PCNX2: variants seen among roughly 807,000 people sequenced by gnomAD.
PCNX2 encodes pecanex 2.
In PCNX2, 168 loss-of-function variants were observed where a neutral mutation model predicts 223.8. The ratio of observed to expected loss-of-function variants is 0.75; its 90% CI spans 0.66 to 0.85. PCNX2 has a LOEUF of 0.85. PCNX2 is among the 40% of genes least tolerant of loss of function. The pLI is 0.00. For synonymous variants in PCNX2, 1,006 were observed against 1,052.6 expected, an observed-to-expected ratio of 0.96 and a Z score of 0.86; for missense variants, 2,507 against 2,675.5, an observed-to-expected ratio of 0.94 and a Z score of 1.39.
chr1:233,190,819 A>G (rs1022981537), intron 15 of PCNX2, among the ~76,000 whole-genome samples: 9 of 152,230 alleles, frequency 5.9e-5, no homozygotes, highest in Admixed American at 4.6e-4. Context: ...TAAACTGAAT[A>G]GAAAACAGAA....
chr1:233,238,533 T>C (rs191641232), intron 8 of PCNX2, among the ~76,000 whole-genome samples: 196 of 151,276 alleles, frequency 1.3e-3, no homozygotes, highest in Admixed American at 3.3e-3. Context: ...GCTACAAAAA[T>C]AGAAAAAAAA....
Position 233,126,168 on chromosome 1 carries a change from C to T in PCNX2, c.3837+8845G>A, listed in dbSNP as rs1463426847. The T allele has an allele frequency of 6.6e-6, 1 of 152,016 alleles. No individual in the cohort carries two copies. The highest frequency in any genetic ancestry group is 1.5e-5 in the Non-Finnish European group (1 of 68,038). 9.4% of individuals were successfully genotyped at this position (152,016 alleles called of 1,614,324 possible). ...GAGGTTGCAGTGAGCTGAGATCACG[C>T]CACTGCACTCCAGCCTGGGTGACAG... is the stretch of plus-strand genomic sequence containing the variant. On this transcript the variant is annotated intron_variant, in intron 21 of 33. Transcript: ENST00000258229. This position sits in a 1 kb window ranked among gnomAD's most constrained non-coding sequence, Gnocchi z 4.8.
At chr1:233,222,112 T>C (rs554372157) in intron 10 of PCNX2, among the ~76,000 whole-genome samples, 148 of 152,318 alleles carry the variant, frequency 9.7e-4, no homozygotes, top group African/African-American at 3.5e-3. Context: ...GAGTTGGCAC[T>C]GCAAACATCT....
chr1:233,245,998 T>C lies in PCNX2; in HGVS notation c.2222+4741A>G, dbSNP rs547153184. 1.1e-4 allele frequency among the ~76,000 whole-genome samples: 16 copies of C among 152,310 alleles called. No individual in the cohort carries two copies. In the South Asian group the frequency reaches 3.3e-3, roughly 32 times the overall value. On this transcript the variant is annotated intron_variant, in intron 8 of 33. Coordinates refer to ENST00000258229, the MANE Select transcript of PCNX2 (RefSeq NM_014801.4). ...ATACACTTTTAGATACAAATATGCA[T>C]TTCTAGCTCCCTGTGGAAAAAAACG...
At chr1:233,269,798 G>A (rs1660551454) in intron 1 of PCNX2, among the ~76,000 whole-genome samples, 3 of 152,146 alleles carry the variant, frequency 2.0e-5, no homozygotes, top group South Asian at 4.1e-4. Flanking sequence ...TGTGCTGTAT[G>A]CCAGAGCATT....
At chr1:233,276,138 T>C (rs538325871) in intron 1 of PCNX2, among the ~76,000 whole-genome samples, 1 of 152,308 alleles carries the variant, frequency 6.6e-6, no homozygotes, top group South Asian at 2.1e-4. Flanking sequence ...TTATCCACTC[T>C]TGAAAAGGAG....
chr1:233,086,588 G>A (rs1419351696), intron 23 of PCNX2, among the ~76,000 whole-genome samples: 15 of 152,094 alleles, frequency 9.9e-5, no homozygotes, highest in South Asian at 2.1e-4. Flanking sequence ...GGAGAATGGC[G>A]TGAACCTGGG....
intron 27 of PCNX2, among the ~76,000 whole-genome samples, chr1:233,016,287 C>CCAA (rs563121511): frequency 6.6e-6 from 1 of 152,226 alleles, no homozygotes; most frequent in East Asian, 1.9e-4. Flanking sequence ...CCCACATTTT[C>CCAA]CAACAACAAC....
intron 23 of PCNX2, among the ~76,000 whole-genome samples, chr1:233,076,104 A>G (rs1449594562): frequency 6.6e-6 from 1 of 152,228 alleles, no homozygotes; most frequent in East Asian, 1.9e-4. Flanking sequence ...TAAAGATTAA[A>G]TTATCAGAGT....
intron 33 of PCNX2, 69 bp from the exon 34 acceptor site, chr1:232,984,546 A>T (rs1336211117): frequency 2.6e-6 from 4 of 1,521,464 alleles, no homozygotes; most frequent in East Asian, 4.6e-5. Flanking sequence ...AACTGGCATC[A>T]CCCCCATCCG....
In PCNX2 at chr1:233,000,631, C is replaced by G; in HGVS notation, c.5098-96G>C. 1.0e-6 allele frequency: 1 copy of G among 954,020 alleles called. No individual in the cohort carries two copies. Among genetic ancestry groups the G allele is most frequent in the African/African-American group, 1.6e-5 (1 of 61,110 alleles). The allele number at this position is 954,020 out of a possible 1,614,324, so 59.1% of individuals were successfully genotyped here. The stretch of plus-strand genomic sequence containing the variant: ...GGCAACTGGCCAGTGACCTCCAAAG[C>G]TAAGCTCTTTCCTCATCTTCCTCTC... On this transcript the variant is annotated intron_variant, in intron 29 of 33. Coordinates refer to ENST00000258229, the MANE Select transcript of PCNX2 (RefSeq NM_014801.4). This position sits in a 1 kb window ranked among gnomAD's most constrained non-coding sequence, Gnocchi z 4.6.
chr1:233,292,080 C>T, intron 1 of PCNX2: 2 of 914,950 alleles, frequency 2.2e-6, no homozygotes, highest in Non-Finnish European at 2.6e-6. Flanking sequence ...GATCTAAGTA[C>T]ATTCTAGGGA....
intron 25 of PCNX2, among the ~76,000 whole-genome samples, chr1:233,035,770 T>C (rs573958604): frequency 6.6e-6 from 1 of 152,326 alleles, no homozygotes; most frequent in Admixed American, 6.5e-5. Context: ...AAGGAGACCA[T>C]CAGATATGGC....
chr1:233,041,850 G>A (rs1030466047), intron 25 of PCNX2, among the ~76,000 whole-genome samples: 11 of 152,242 alleles, frequency 7.2e-5, no homozygotes, highest in African/African-American at 2.7e-4. Context: ...AGTCAGGAAT[G>A]ATGGTGATTC....
intron 12 of PCNX2, among the ~76,000 whole-genome samples, chr1:233,217,139 G>A (rs1288835521): frequency 6.6e-6 from 1 of 152,064 alleles, no homozygotes; most frequent in Non-Finnish European, 1.5e-5. Context: ...AAGATCTTCT[G>A]TATAGTGTGG....
chr1:233,167,288 G>A (rs1442839808), intron 17 of PCNX2, among the ~76,000 whole-genome samples: 1 of 152,036 alleles, frequency 6.6e-6, no homozygotes, highest in Non-Finnish European at 1.5e-5. Flanking sequence ...AAATAACCCA[G>A]ACACAGAAAG....
At chr1:233,225,110 T>TAAAAAAAAAAAA (rs71173259) in intron 10 of PCNX2, among the ~76,000 whole-genome samples, 1 of 42,218 alleles carries the variant, frequency 2.4e-5, no homozygotes, top group Non-Finnish European at 4.4e-5. Context: ...AGAACTAAAG[T>TAAAAAAAAAAAA]AAAAAAAAAA....
intron 32 of PCNX2, among the ~76,000 whole-genome samples, chr1:232,997,164 G>GA (rs1173451793): frequency 2.6e-5 from 4 of 152,086 alleles, no homozygotes; most frequent in Non-Finnish European, 1.5e-5. Context: ...ACCCTCTTTG[G>GA]AAAAAGTAGC....
intron 3 of PCNX2, 142 bp from the exon 4 acceptor site, chr1:233,261,463 C>T: frequency 1.4e-6 from 1 of 726,450 alleles, no homozygotes; most frequent in Non-Finnish European, 2.3e-6. Flanking sequence ...TCTCCTTAAG[C>T]TTCTATAAAA....
Sources: allele counts gnomAD v4.1 joint callset (sites outside exome capture counted in the v4.1 genomes callset), GRCh38; gene constraint gnomAD v4.1.1; non-coding constraint Gnocchi (gnomAD v3.1); transcripts MANE v1.5; gene names NCBI Gene and HGNC (gene_info 2026-07-23, HGNC 2026-07-21).